The following MBD5 variants were observed in gnomAD, a reference collection of about 807,000 sequenced individuals.
MBD5 encodes methyl-CpG-binding domain protein 5.
MBD5 carries 13 observed loss-of-function variants against 117.3 expected under a neutral mutation model. The ratio of observed to expected loss-of-function variants is 0.11; its 90% CI spans 0.07 to 0.18. The LOEUF (loss-of-function observed/expected upper bound fraction) is 0.18. Ranked by LOEUF, MBD5 falls within the 10% of genes least tolerant of loss-of-function variation. The probability of loss-of-function intolerance (pLI) is 1.00; values close to 1 mark genes in which losing one functional copy is unlikely to be tolerated. For missense variants in MBD5, 1,879 were observed against 2,093.8 expected (o/e 0.90, Z 2.00); for synonymous variants, 727 against 766.4 (o/e 0.95, Z 0.85).
At chr2:148,325,329 TCAGGATGATGC>T (rs1702416263) in intron 3 of MBD5, among the ~76,000 whole-genome samples, 1 of 152,206 alleles carries the variant, frequency 6.6e-6, no homozygotes, top group South Asian at 2.1e-4. Flanking sequence ...GGCTTTGGTA[TCAGGATGATGC>T]TGGCCTCATA....
At chr2:148,420,842 T>C (rs767134047) in intron 4 of MBD5, among the ~76,000 whole-genome samples, 11 of 152,094 alleles carry the variant, frequency 7.2e-5, no homozygotes, top group Non-Finnish European at 1.3e-4. Flanking sequence ...ATCCCCCACC[T>C]CAGCCTCCCA....
intron 4 of MBD5, among the ~76,000 whole-genome samples, chr2:148,416,032 A>C (rs1705406796): frequency 6.6e-6 from 1 of 152,172 alleles, no homozygotes; most frequent in Non-Finnish European, 1.5e-5. Flanking sequence ...AGGTAAGAAG[A>C]TGCTCTGGGT....
At position 148,134,925 on chromosome 2, in the gene MBD5, G is replaced by A. The variant is rs79007754; in HGVS notation, c.-924-43775G>A. On this transcript the variant is annotated intron_variant, in intron 1 of 13. Coordinates refer to ENST00000642680, the MANE Select transcript of MBD5 (RefSeq NM_001378120.1). ...CAAATACTTCTTGAGTAGTTTCCTCGGACAGGGTATAGGGGTGGTTTTATC... is the reference window on the plus strand; with the variant it reads ...CAAATACTTCTTGAGTAGTTTCCTCAGACAGGGTATAGGGGTGGTTTTATC... Among the ~76,000 whole-genome samples the A allele has an allele frequency of 5.0e-3, 754 of 152,114 alleles. 8 individuals are homozygous for A. The highest frequency in any genetic ancestry group is 0.018 in the African/African-American group (727 of 41,480).
At chr2:148,280,207 T>C (rs1407902154) in intron 3 of MBD5, among the ~76,000 whole-genome samples, 2 of 150,172 alleles carry the variant, frequency 1.3e-5, no homozygotes, top group African/African-American at 4.9e-5. Context: ...ATGTGGACTA[T>C]ATTATTTTTC....
intron 1 of MBD5, among the ~76,000 whole-genome samples, chr2:148,047,133 ACTT>A (rs1436486062): frequency 2.0e-5 from 3 of 152,284 alleles, no homozygotes; most frequent in Middle Eastern, 3.4e-3. Context: ...ATCAGGTGTC[ACTT>A]CTTATCAAAT....
intron 1 of MBD5, among the ~76,000 whole-genome samples, chr2:148,084,178 C>G (rs1695720368): frequency 6.6e-6 from 1 of 152,158 alleles, no homozygotes; most frequent in African/African-American, 2.4e-5. Context: ...GATCTTATGT[C>G]ACCATTAATA....
chr2:148,162,627 G>C (rs1168839038), intron 1 of MBD5, among the ~76,000 whole-genome samples: 2 of 152,124 alleles, frequency 1.3e-5, no homozygotes, highest in African/African-American at 4.8e-5. Context: ...TAGCAATAGT[G>C]TGTGAGTAAA....
chr2:148,143,905 A>G (rs577086241), intron 1 of MBD5, among the ~76,000 whole-genome samples: 23 of 152,148 alleles, frequency 1.5e-4, no homozygotes, highest in African/African-American at 5.1e-4. Context: ...TAGTGCCGCA[A>G]TAAACATACG....
At chr2:148,461,202 G>A (rs1189833297) in intron 5 of MBD5, among the ~76,000 whole-genome samples, 2 of 152,110 alleles carry the variant, frequency 1.3e-5, no homozygotes, top group African/African-American at 4.8e-5. Context: ...CAAAGTGCTG[G>A]GTTTACAGGC....
At chr2:148,089,816 C>G (rs1198528499) in intron 1 of MBD5, among the ~76,000 whole-genome samples, 1 of 151,738 alleles carries the variant, frequency 6.6e-6, no homozygotes, top group Non-Finnish European at 1.5e-5. Flanking sequence ...AATCCAAACC[C>G]AACAGAAGAA....
intron 1 of MBD5, among the ~76,000 whole-genome samples, chr2:148,042,460 C>CT (rs889892287): frequency 6.0e-4 from 86 of 144,462 alleles, no homozygotes; most frequent in Middle Eastern, 3.4e-3. Flanking sequence ...GCCAAAGAAC[C>CT]TTTTTTTTTT....
intron 7 of MBD5, among the ~76,000 whole-genome samples, chr2:148,467,613 T>C (rs910151836): frequency 1.3e-5 from 2 of 152,268 alleles, no homozygotes; most frequent in Non-Finnish European, 2.9e-5. Context: ...TAATGACTAA[T>C]TAAGGGCAAA....
intron 2 of MBD5, among the ~76,000 whole-genome samples, chr2:148,225,699 A>G (rs1206512731): frequency 6.6e-6 from 1 of 152,114 alleles, no homozygotes; most frequent in Non-Finnish European, 1.5e-5. Flanking sequence ...TTTCCTATTC[A>G]TGTTTGAAGG....
chr2:148,071,722 G>A (rs1695363640), intron 1 of MBD5: 1 of 152,128 alleles, frequency 6.6e-6, no homozygotes. Flanking sequence ...TCTGTCTTTA[G>A]AATGCGTTCT....
intron 8 of MBD5, chr2:148,471,359 G>T (rs1680790442): frequency 6.6e-6 from 1 of 152,090 alleles, no homozygotes. Context: ...TGAGGCATCA[G>T]AAAATTTGAC....
chr2:148,227,838 T>C (rs1355680688), intron 2 of MBD5, among the ~76,000 whole-genome samples: 2 of 152,210 alleles, frequency 1.3e-5, no homozygotes, highest in Admixed American at 1.3e-4. Flanking sequence ...ACATCCCTTG[T>C]AAGTTGGATT....
chr2:148,481,011 A>G (rs911364918), intron 8 of MBD5, among the ~76,000 whole-genome samples: 1 of 151,588 alleles, frequency 6.6e-6, no homozygotes, highest in Non-Finnish European at 1.5e-5. Context: ...ACTAATGTCA[A>G]TAATGATGAT....
At chr2:148,136,318 G>A (rs571888647) in intron 1 of MBD5, among the ~76,000 whole-genome samples, 48 of 152,212 alleles carry the variant, frequency 3.2e-4, no homozygotes, top group African/African-American at 1.0e-3. Context: ...TTTATAATCT[G>A]GGGGGTAGGG....
intron 1 of MBD5, among the ~76,000 whole-genome samples, chr2:148,050,870 A>G (rs1463126608): frequency 1.3e-5 from 2 of 151,872 alleles, no homozygotes; most frequent in African/African-American, 2.4e-5. Flanking sequence ...TTGTTTCTTG[A>G]TTTTTCTAAG....
Sources: allele counts gnomAD v4.1 joint callset (sites outside exome capture counted in the v4.1 genomes callset), GRCh38; gene constraint gnomAD v4.1.1; transcripts MANE v1.5; gene names NCBI Gene and HGNC (gene_info 2026-07-23, HGNC 2026-07-21).